Variants in TMTC2 observed in about 807,000 individuals in gnomAD.
The protein encoded by TMTC2 is transmembrane O-mannosyltransferase targeting cadherins 2.
A neutral mutation model predicts 82.4 loss-of-function variants in TMTC2; 43 were observed. The ratio of observed to expected loss-of-function variants is 0.52; its 90% CI spans 0.41 to 0.67. TMTC2 has a LOEUF of 0.67. TMTC2 is among the 30% of genes least tolerant of loss of function. The probability of loss-of-function intolerance (pLI) is 0.00; values close to 1 mark genes in which losing one functional copy is unlikely to be tolerated. For missense variants in TMTC2, 919 were observed against 1,012.4 expected, an observed-to-expected ratio of 0.91 and a Z score of 1.25; for synonymous variants, 408 against 381.9, an observed-to-expected ratio of 1.07 and a Z score of -0.80.
intron 1 of TMTC2, among the ~76,000 whole-genome samples, chr12:82,728,235 G>A (rs2079869660): frequency 2.0e-5 from 3 of 151,850 alleles, no homozygotes; most frequent in Non-Finnish European, 2.9e-5. Context: ...TAATAGAGAT[G>A]AGTCCTATTC....
chr12:83,088,431 C>G (rs1883732678), intron 11 of TMTC2, among the ~76,000 whole-genome samples: 1 of 152,182 alleles, frequency 6.6e-6, no homozygotes, highest in South Asian at 2.1e-4. Context: ...TTTGGCCTGT[C>G]TTGCCTTTTG....
At chr12:82,705,324 C>T (rs967362029) in intron 1 of TMTC2, among the ~76,000 whole-genome samples, 10 of 152,194 alleles carry the variant, frequency 6.6e-5, no homozygotes, top group Middle Eastern at 3.4e-3. Flanking sequence ...TCCCCAATAA[C>T]CTATGGAGAT....
chr12:82,872,943 A>G (rs1872276569), intron 2 of TMTC2, among the ~76,000 whole-genome samples: 1 of 152,188 alleles, frequency 6.6e-6, no homozygotes, highest in Non-Finnish European at 1.5e-5. Context: ...AATAAGAAAG[A>G]CTTAGTATTT....
At chr12:82,699,712 A>G (rs1273388544) in intron 1 of TMTC2, among the ~76,000 whole-genome samples, 3 of 152,162 alleles carry the variant, frequency 2.0e-5, no homozygotes, top group Non-Finnish European at 4.4e-5. Flanking sequence ...ATTTTGGGTA[A>G]CAATTATAAA....
chr12:82,727,920 A>G (rs1874547471), intron 1 of TMTC2, among the ~76,000 whole-genome samples: 1 of 151,878 alleles, frequency 6.6e-6, no homozygotes, highest in Non-Finnish European at 1.5e-5. Context: ...TCTGGTAAGC[A>G]CTTTCATGTC....
intron 1 of TMTC2, among the ~76,000 whole-genome samples, chr12:82,823,839 A>C (rs987130435): frequency 4.8e-4 from 73 of 152,032 alleles, no homozygotes; most frequent in African/African-American, 1.8e-3. Context: ...AAAAAAAATA[A>C]AGACAGACAG....
At chr12:82,730,383 C>G (rs1037940955) in intron 1 of TMTC2, among the ~76,000 whole-genome samples, 1 of 147,674 alleles carries the variant, frequency 6.8e-6, no homozygotes, top group Non-Finnish European at 1.5e-5. Flanking sequence ...TTGGGCTTTT[C>G]TTCTGCTATT....
intron 11 of TMTC2, among the ~76,000 whole-genome samples, chr12:83,097,951 A>G (rs1311047936): frequency 6.6e-6 from 1 of 152,228 alleles, no homozygotes; most frequent in Non-Finnish European, 1.5e-5. Flanking sequence ...GGTAGATGGG[A>G]TTCACTTTGG....
intron 11 of TMTC2, among the ~76,000 whole-genome samples, chr12:83,074,698 C>T (rs1014371240): frequency 6.6e-6 from 1 of 152,084 alleles, no homozygotes; most frequent in African/African-American, 2.4e-5. Context: ...TGCCCCCCAG[C>T]TACCCACCCA....
chr12:82,853,969 A>T lies in TMTC2; in HGVS notation c.84-3041A>T, dbSNP rs189683198. ...TTTTTCATATTTCTTTTAAATTTTAATTATAACCCATCAAGTCTTAAGCAA... is the reference window on the plus strand; with the variant it reads ...TTTTTCATATTTCTTTTAAATTTTATTTATAACCCATCAAGTCTTAAGCAA... On this transcript the variant is annotated intron_variant, in intron 1 of 11. Transcript: ENST00000321196. Among the ~76,000 whole-genome samples the T allele has an allele frequency of 3.0e-3, 458 of 151,940 alleles. 1 individual carries two copies. Among genetic ancestry groups the T allele is most frequent in the African/African-American group, 0.011 (436 of 41,426 alleles).
intron 2 of TMTC2, among the ~76,000 whole-genome samples, chr12:82,885,440 G>T (rs529497045): frequency 6.6e-6 from 1 of 151,822 alleles, no homozygotes; most frequent in African/African-American, 2.4e-5. Flanking sequence ...GCTAATCAGA[G>T]CTCACTGTAG....
At chr12:83,048,878 A>G (rs970313773) in intron 9 of TMTC2, among the ~76,000 whole-genome samples, 2 of 152,204 alleles carry the variant, frequency 1.3e-5, no homozygotes, top group African/African-American at 4.8e-5. Flanking sequence ...CATGTTGGCC[A>G]GGCTGGTCTC....
At chr12:83,056,885 G>A (rs1882565265) in intron 10 of TMTC2, among the ~76,000 whole-genome samples, 1 of 151,872 alleles carries the variant, frequency 6.6e-6, no homozygotes, top group Non-Finnish European at 1.5e-5. Flanking sequence ...ACATGCAAGT[G>A]AACACCTGGG....
intron 8 of TMTC2, among the ~76,000 whole-genome samples, chr12:83,015,762 A>C (rs1170967759): frequency 1.3e-5 from 2 of 152,220 alleles, no homozygotes; most frequent in African/African-American, 4.8e-5. Flanking sequence ...ATGCCAAAAC[A>C]CATGTGTGTG....
chr12:82,902,727 A>G (rs1874085018), intron 3 of TMTC2, among the ~76,000 whole-genome samples: 1 of 151,952 alleles, frequency 6.6e-6, no homozygotes, highest in African/African-American at 2.4e-5. Context: ...AGGGAGGGAG[A>G]GAGTCAAGGG....
intron 9 of TMTC2, among the ~76,000 whole-genome samples, chr12:83,036,871 AC>A (rs1309787507): frequency 6.6e-6 from 1 of 152,144 alleles, no homozygotes; most frequent in Non-Finnish European, 1.5e-5. Flanking sequence ...TCAAAGGGGA[AC>A]AAGAGACATA....
intron 2 of TMTC2, among the ~76,000 whole-genome samples, chr12:82,864,973 G>T (rs187344847): frequency 6.6e-6 from 1 of 150,464 alleles, no homozygotes; most frequent in Non-Finnish European, 1.5e-5. Flanking sequence ...CCAGCACTTT[G>T]AGAGGCCAGG....
At chr12:82,748,364 T>A (rs1875798973) in intron 1 of TMTC2, among the ~76,000 whole-genome samples, 1 of 151,826 alleles carries the variant, frequency 6.6e-6, no homozygotes, top group East Asian at 1.9e-4. Context: ...ATGACTGGAG[T>A]GAGTATCCCA....
At chr12:83,029,511 C>G (rs1028213192) in intron 8 of TMTC2, among the ~76,000 whole-genome samples, 1 of 152,048 alleles carries the variant, frequency 6.6e-6, no homozygotes, top group Non-Finnish European at 1.5e-5. Context: ...TAAAAATATA[C>G]TCAAAGTAAG....
Sources: allele counts gnomAD v4.1 joint callset (sites outside exome capture counted in the v4.1 genomes callset), GRCh38; gene constraint gnomAD v4.1.1; transcripts MANE v1.5; gene names NCBI Gene and HGNC (gene_info 2026-07-23, HGNC 2026-07-21).